The following CLIC4 variants were observed in gnomAD, a reference collection of about 807,000 sequenced individuals.
CLIC4 encodes the protein CLIC family member 4, also known as chloride intracellular channel protein 4.
Under a neutral mutation model 24.6 loss-of-function variants are expected in CLIC4, and 13 were observed. The ratio of observed to expected loss-of-function variants is 0.53; its 90% CI spans 0.34 to 0.84. The LOEUF (loss-of-function observed/expected upper bound fraction) is 0.84. CLIC4 is among the 40% of genes least tolerant of loss of function. CLIC4 has a pLI of 0.01. For synonymous variants in CLIC4, 104 were observed against 111.3 expected, an observed-to-expected ratio of 0.93 and a Z score of 0.41; for missense variants, 227 against 301.7, an observed-to-expected ratio of 0.75 and a Z score of 1.83.
intron 1 of CLIC4, among the ~76,000 whole-genome samples, chr1:24,778,250 A>T (rs766448740): frequency 7.9e-5 from 12 of 152,178 alleles, no homozygotes; most frequent in Non-Finnish European, 1.5e-4. Context: ...TGTATGACCT[A>T]TGACAAATTA....
At chr1:24,751,266 G>A (rs1001513117) in intron 1 of CLIC4, among the ~76,000 whole-genome samples, 2 of 148,364 alleles carry the variant, frequency 1.3e-5, no homozygotes, top group African/African-American at 5.1e-5. Flanking sequence ...CTGGAGTGCA[G>A]TGGCACGATC....
Position 24,841,110 on chromosome 1 carries a change from A to G in CLIC4, c.*173A>G. Reference sequence around the variant, plus strand: ...AGTTATCTTAAAATATACACTCCTAAGCAGTATTATTTTAAAATCCTTTAC... The same window carrying G: ...AGTTATCTTAAAATATACACTCCTAGGCAGTATTATTTTAAAATCCTTTAC... On this transcript the variant is annotated 3_prime_UTR_variant, in exon 6 of 6. Transcript: ENST00000374379. 9.2e-6 allele frequency: 4 copies of G among 434,414 alleles called. No individual in the cohort carries two copies. The highest frequency in any genetic ancestry group is 1.6e-5 in the Non-Finnish European group (4 of 255,318). The allele number at this position is 434,414 out of a possible 1,614,324, so 26.9% of individuals were successfully genotyped here. A position where few individuals can be genotyped will look rare whatever the true frequency, so the allele number is the denominator to read the frequency against.
In CLIC4 at chr1:24,828,536, A is replaced by G. The variant is rs147969403; in HGVS notation, c.415+1420A>G. On this transcript the variant is annotated intron_variant, in intron 4 of 5. Transcript: ENST00000374379. ...TTTTATACTTAGATGCCCCTGCTGCATACTTCTTTGAACAATCTTAGTTAC... is the reference window on the plus strand; with the variant it reads ...TTTTATACTTAGATGCCCCTGCTGCGTACTTCTTTGAACAATCTTAGTTAC... Among the ~76,000 whole-genome samples, 87 of 152,288 alleles carry G rather than the reference A, an allele frequency of 5.7e-4. 3 individuals carry two copies. The East Asian group carries it at 0.014, about 25-fold the overall frequency.
intron 2 of CLIC4, among the ~76,000 whole-genome samples, chr1:24,806,528 A>G (rs1639552015): frequency 6.6e-6 from 1 of 152,248 alleles, no homozygotes; most frequent in Non-Finnish European, 1.5e-5. Context: ...ATATATATAT[A>G]GCCTTTCAAC....
intron 2 of CLIC4, among the ~76,000 whole-genome samples, chr1:24,811,997 T>C (rs1281683232): frequency 6.6e-6 from 1 of 152,216 alleles, no homozygotes; most frequent in African/African-American, 2.4e-5. Flanking sequence ...ATCAGTGTTT[T>C]GTGGTGTTTT....
At chr1:24,820,067 G>GTGTGTATATATATATATA (rs1212033050) in intron 3 of CLIC4, among the ~76,000 whole-genome samples, 579 of 36,360 alleles carry the variant, frequency 0.016, 63 homozygotes, top group Middle Eastern at 0.04. Context: ...AAAAAAGTAT[G>GTGTGTATATATATATATA]TATATATATA....
chr1:24,784,202 A>G (rs918184398), intron 1 of CLIC4, among the ~76,000 whole-genome samples: 2 of 152,190 alleles, frequency 1.3e-5, no homozygotes, highest in African/African-American at 4.8e-5. Flanking sequence ...TGTGAAAGGT[A>G]CACAACAAAC....
rs1356208719 is a variant in CLIC4 at position 24,751,429 on chromosome 1, C to T, written c.72+5804C>T. 6.6e-5 allele frequency among the ~76,000 whole-genome samples: 10 copies of T among 151,874 alleles called. No individual in the cohort carries two copies. In the East Asian group the frequency reaches 1.4e-3, roughly 21 times the overall value. On this transcript the variant is annotated intron_variant, in intron 1 of 5. Coordinates refer to ENST00000374379, the MANE Select transcript of CLIC4 (RefSeq NM_013943.3). Reference sequence around the variant, plus strand: ...AGCTAATTTGTATTTGTAGTAGAGACGGGGTTTCACTATGTTGGCCAGGCT... The same window carrying T: ...AGCTAATTTGTATTTGTAGTAGAGATGGGGTTTCACTATGTTGGCCAGGCT...
chr1:24,765,973 G>A (rs1000494395), intron 1 of CLIC4, among the ~76,000 whole-genome samples: 8 of 151,038 alleles, frequency 5.3e-5, no homozygotes, highest in Admixed American at 4.0e-4. Flanking sequence ...CATCATGCCC[G>A]GCTAATTTTT....
At chr1:24,805,766 C>T (rs1268336418) in intron 2 of CLIC4, among the ~76,000 whole-genome samples, 1 of 152,128 alleles carries the variant, frequency 6.6e-6, no homozygotes, top group African/African-American at 2.4e-5. Flanking sequence ...AGTCACCAGC[C>T]CAGCTTCCTC....
chr1:24,814,746 G>A (rs1216756077), intron 3 of CLIC4, among the ~76,000 whole-genome samples: 2 of 152,182 alleles, frequency 1.3e-5, no homozygotes, highest in Non-Finnish European at 1.5e-5. Context: ...CTAGGTCCTG[G>A]ATGTACTGTA....
At position 24,818,296 on chromosome 1, in the gene CLIC4, G is replaced by GT. The variant is rs202009346; in HGVS notation, c.308+4085dup. Among the ~76,000 whole-genome samples the GT allele has an allele frequency of 1.3e-3, 197 of 151,588 alleles. 2 individuals carry two copies. Among genetic ancestry groups the GT allele is most frequent in the East Asian group, 6.2e-3 (32 of 5,170 alleles). On this transcript the variant is annotated intron_variant, in intron 3 of 5. Transcript: ENST00000374379. ...AATTTGGTTTTTTTTTGTTTGTTTTGTTTTTTTTGAGACAGAGGCTCACTC... is the reference window on the plus strand; with the variant it reads ...AATTTGGTTTTTTTTTGTTTGTTTTGTTTTTTTTTGAGACAGAGGCTCACTC...
intron 2 of CLIC4, among the ~76,000 whole-genome samples, chr1:24,804,537 G>C (rs1020007946): frequency 1.2e-4 from 11 of 93,142 alleles, no homozygotes; most frequent in African/African-American, 3.8e-4. Flanking sequence ...GGGGATGTGT[G>C]TATGTGGGTG....
chr1:24,745,849 T>C (rs1638686376), intron 1 of CLIC4, among the ~76,000 whole-genome samples: 1 of 151,292 alleles, frequency 6.6e-6, no homozygotes, highest in South Asian at 2.1e-4. Flanking sequence ...GCGGCCACCG[T>C]CTCCAGCGCG....
Position 24,840,044 on chromosome 1 carries a change from A to G in CLIC4, c.597+3A>G, listed in dbSNP as rs1253350330. On this transcript the variant is annotated splice_donor_region_variant and intron_variant, in intron 5 of 5. Coordinates refer to ENST00000374379, the MANE Select transcript of CLIC4 (RefSeq NM_013943.3). ...TGCCCAAACTGCATATTGTCAAGGT[A>G]GGTCTGTAGGGGTTGATGTCGCATT... 1.2e-6 allele frequency: 2 copies of G among 1,613,068 alleles called. No individual in the cohort carries two copies. The highest frequency in any genetic ancestry group is 1.7e-6 in the Non-Finnish European group (2 of 1,179,290).
intron 2 of CLIC4, among the ~76,000 whole-genome samples, chr1:24,805,537 C>A (rs1238920749): frequency 6.6e-6 from 1 of 151,926 alleles, no homozygotes; most frequent in African/African-American, 2.4e-5. Context: ...TAATTTTATG[C>A]CCTGAAAATC....
intron 1 of CLIC4, among the ~76,000 whole-genome samples, chr1:24,763,434 G>T (rs1423653473): frequency 1.3e-5 from 2 of 150,894 alleles, no homozygotes; most frequent in Non-Finnish European, 2.9e-5. Flanking sequence ...CAGCTACTTG[G>T]GAGGCTGAGG....
intron 1 of CLIC4, among the ~76,000 whole-genome samples, chr1:24,756,822 G>C (rs1638857827): frequency 6.6e-6 from 1 of 152,004 alleles, no homozygotes; most frequent in Non-Finnish European, 1.5e-5. Flanking sequence ...CCGGGTTCAA[G>C]CGATTCTTCT....
intron 1 of CLIC4, among the ~76,000 whole-genome samples, chr1:24,753,113 G>C (rs1326856521): frequency 6.6e-6 from 1 of 152,118 alleles, no homozygotes; most frequent in African/African-American, 2.4e-5. Flanking sequence ...CTAATGTGAG[G>C]CTTTTTTTCT....
Sources: gnomAD v4.1 joint callset for allele counts (sites outside exome capture counted in the v4.1 genomes callset) on GRCh38, gnomAD v4.1.1 for gene constraint, MANE v1.5 for transcripts, NCBI Gene and HGNC (gene_info 2026-07-23, HGNC 2026-07-21) for gene names.